The following BACH2 variants were observed in gnomAD, a reference collection of about 807,000 sequenced individuals.
BACH2 encodes the protein transcription regulator protein BACH2.
BACH2 carries 5 observed loss-of-function variants against 61.8 expected under a neutral mutation model. That is an observed-to-expected ratio of 0.08 (90% CI 0.04 to 0.17). BACH2 has a LOEUF of 0.17. Ranked by LOEUF, BACH2 falls within the 10% of genes least tolerant of loss-of-function variation. BACH2 has a pLI of 1.00. For missense variants in BACH2, 824 were observed against 1,091.1 expected, an observed-to-expected ratio of 0.76 and a Z score of 3.45; for synonymous variants, 446 against 440.1, an observed-to-expected ratio of 1.01 and a Z score of -0.17.
chr6:90,004,808 C>T (rs2127779324), intron 6 of BACH2, among the ~76,000 whole-genome samples: 1 of 152,268 alleles, frequency 6.6e-6, no homozygotes, highest in Admixed American at 6.5e-5. Context: ...CATCTCTTAG[C>T]AAAACATATA....
At chr6:90,206,373 C>T (rs998542897) in intron 4 of BACH2, among the ~76,000 whole-genome samples, 196 bp downstream of exon 4, 21 of 152,238 alleles carry the variant, frequency 1.4e-4, no homozygotes, top group African/African-American at 4.8e-4. Flanking sequence ...ATAAATGACA[C>T]CTCCAGAGGA....
chr6:90,121,098 G>C (rs184080928), intron 4 of BACH2, among the ~76,000 whole-genome samples: 3 of 152,132 alleles, frequency 2.0e-5, no homozygotes, highest in African/African-American at 7.2e-5. Flanking sequence ...CTCACTTAAA[G>C]AGACTGAAAA....
chr6:89,951,250 C>T lies in BACH2; in HGVS notation c.856G>A (p.Glu286Lys), dbSNP rs763634877. 5 of 1,614,188 alleles carry T rather than the reference C, an allele frequency of 3.1e-6. No individual in the cohort carries two copies. Among genetic ancestry groups the T allele is most frequent in the Admixed American group, 3.3e-5 (2 of 60,026 alleles). ...GACAGGCAGAGCGTGATGCTCTCTT[C>T]CTCATTCTCTTCACTGGGCGGCTCA... is the stretch of plus-strand genomic sequence containing the variant. ...KSEPPSEENE[E>K]ESITLCLSGD... Residue 286 changes from glutamate to lysine, a missense_variant, in exon 7 of 9, where the codon GAA becomes AAA. Physicochemically the swap from Glu to Lys is moderately conservative, Grantham distance 56 (BLOSUM62 1). Around this residue, in one of 8 missense-constraint regions of BACH2, gnomAD observed 226 missense variants for 228.5 expected, o/e 0.99. Transcript: ENST00000257749. The surrounding 1 kb of genome is among the most constrained non-coding windows in gnomAD (Gnocchi z 6.4).
At chr6:90,047,224 C>A (rs1411796312) in intron 5 of BACH2, among the ~76,000 whole-genome samples, 2 of 152,162 alleles carry the variant, frequency 1.3e-5, no homozygotes, top group South Asian at 4.1e-4. Flanking sequence ...GCCTGTCCTG[C>A]CCATGTTATT....
intron 6 of BACH2, among the ~76,000 whole-genome samples, chr6:90,002,760 ACT>A (rs1374722962): frequency 6.6e-6 from 1 of 152,036 alleles, no homozygotes; most frequent in African/African-American, 2.4e-5. Flanking sequence ...ACACAGTGAG[ACT>A]CTGTCTCAAA....
intron 5 of BACH2, among the ~76,000 whole-genome samples, chr6:90,026,107 A>G (rs1407713542): frequency 1.3e-5 from 2 of 152,184 alleles, no homozygotes; most frequent in African/African-American, 2.4e-5. Context: ...GAGAATCAAG[A>G]CTAAGAAAAG....
intron 5 of BACH2, among the ~76,000 whole-genome samples, chr6:90,053,879 C>T (rs997865110): frequency 1.1e-4 from 16 of 152,232 alleles, no homozygotes; most frequent in African/African-American, 2.4e-4. Flanking sequence ...AGTTTTACTA[C>T]GGTATAAAAA....
intron 4 of BACH2, among the ~76,000 whole-genome samples, chr6:90,100,243 T>G (rs1782556655): frequency 6.6e-6 from 1 of 152,258 alleles, no homozygotes; most frequent in South Asian, 2.1e-4. Flanking sequence ...AAGAACATTT[T>G]TGTATGGTTA....
chr6:90,067,582 C>T (rs937008425), intron 5 of BACH2, among the ~76,000 whole-genome samples: 13 of 152,062 alleles, frequency 8.5e-5, no homozygotes, highest in African/African-American at 2.7e-4. Context: ...ATGCAGAGGA[C>T]GAGCTGGCCA....
Position 90,169,369 on chromosome 6 carries a change from A to C in BACH2, c.-162+37200T>G, listed in dbSNP as rs73505260. Among the ~76,000 whole-genome samples the C allele has an allele frequency of 6.3e-3, 962 of 152,224 alleles. 13 individuals carry two copies. The highest frequency in any genetic ancestry group is 0.022 in the African/African-American group (916 of 41,512). Reference sequence around the variant, plus strand: ...AAAATGGAGTCTTGGATGATGCCTTAATGATGAAAAACTCCCTCATGAATA... The same window carrying C: ...AAAATGGAGTCTTGGATGATGCCTTCATGATGAAAAACTCCCTCATGAATA... On this transcript the variant is annotated intron_variant, in intron 4 of 8. Transcript: ENST00000257749.
At chr6:90,202,834 G>GTGT (rs1313691475) in intron 4 of BACH2, among the ~76,000 whole-genome samples, 2 of 152,146 alleles carry the variant, frequency 1.3e-5, no homozygotes, top group African/African-American at 4.8e-5. Context: ...TCTTGCTAGT[G>GTGT]TGTTTTCTGT....
intron 4 of BACH2, among the ~76,000 whole-genome samples, chr6:90,203,848 A>G (rs1008201429): frequency 4.6e-5 from 7 of 152,104 alleles, no homozygotes; most frequent in African/African-American, 1.7e-4. Flanking sequence ...CAAAGTCCCA[A>G]AGTACACCCC....
At chr6:89,994,917 A>G (rs1387645549) in intron 6 of BACH2, among the ~76,000 whole-genome samples, 2 of 152,228 alleles carry the variant, frequency 1.3e-5, no homozygotes, top group Non-Finnish European at 2.9e-5. Context: ...GGCTCTTCGT[A>G]TGTACACACC....
At chr6:90,238,442 T>C (rs1205787037) in intron 3 of BACH2, among the ~76,000 whole-genome samples, 1 of 152,260 alleles carries the variant, frequency 6.6e-6, no homozygotes, top group African/African-American at 2.4e-5. Context: ...TGATGTGCAA[T>C]TGAATTATAT....
intron 5 of BACH2, among the ~76,000 whole-genome samples, chr6:90,022,400 A>C (rs1387611676): frequency 6.6e-6 from 1 of 152,210 alleles, no homozygotes; most frequent in African/African-American, 2.4e-5. Flanking sequence ...CCTGGTCAAC[A>C]TGGTGAAACC....
chr6:90,040,915 C>T lies in BACH2; in HGVS notation c.-12-32059G>A, dbSNP rs76671310. The stretch of plus-strand genomic sequence containing the variant: ...TGAAGAATGTTTAGTTTTACATAAT[C>T]CATTAGTACATAATGGGTTGTTATT... On this transcript the variant is annotated intron_variant, in intron 5 of 8. Coordinates refer to ENST00000257749, the MANE Select transcript of BACH2 (RefSeq NM_021813.4). 5.2e-3 allele frequency among the ~76,000 whole-genome samples: 795 copies of T among 152,204 alleles called. 50 individuals are homozygous for T. The East Asian group carries it at 0.14, about 27-fold the overall frequency.
chr6:89,940,798 G>T (rs1048151684), intron 7 of BACH2, among the ~76,000 whole-genome samples: 1 of 150,530 alleles, frequency 6.6e-6, no homozygotes, highest in Non-Finnish European at 1.5e-5. Flanking sequence ...TAACCCAATA[G>T]ATAAAAATAC....
At chr6:89,953,829 G>C (rs575574143) in intron 6 of BACH2, among the ~76,000 whole-genome samples, 23 of 152,094 alleles carry the variant, frequency 1.5e-4, no homozygotes, top group Non-Finnish European at 2.9e-4. Context: ...TAACTGAACC[G>C]ATCAACTGAT....
At chr6:90,197,955 A>G (rs900498292) in intron 4 of BACH2, among the ~76,000 whole-genome samples, 2 of 152,212 alleles carry the variant, frequency 1.3e-5, no homozygotes, top group African/African-American at 2.4e-5. Flanking sequence ...CTTTCCTACA[A>G]ATGAAACCTG....
Sources: allele counts gnomAD v4.1 joint callset (sites outside exome capture counted in the v4.1 genomes callset), GRCh38; gene constraint gnomAD v4.1.1; regional missense constraint gnomAD v4.1.1; non-coding constraint Gnocchi (gnomAD v3.1); transcripts MANE v1.5; gene names NCBI Gene and HGNC (gene_info 2026-07-23, HGNC 2026-07-21).